Variants in CAMKMT observed in about 807,000 individuals in gnomAD.
CAMKMT encodes calmodulin-lysine N-methyltransferase.
A neutral mutation model predicts 48.0 loss-of-function variants in CAMKMT; 53 were observed. The ratio of observed to expected loss-of-function variants is 1.10; its 90% CI spans 0.89 to 1.39. The LOEUF is 1.39. Ranked by LOEUF, CAMKMT falls within the 40% of genes most tolerant of loss-of-function variation. The pLI, the probability that CAMKMT is intolerant of heterozygous loss-of-function variation, is 0.00. For missense variants in CAMKMT, 428 were observed against 402.7 expected, an observed-to-expected ratio of 1.06 and a Z score of -0.54; for synonymous variants, 165 against 152.3, an observed-to-expected ratio of 1.08 and a Z score of -0.61.
At chr2:44,379,317 GA>G in intron 2 of CAMKMT, among the ~76,000 whole-genome samples, 1 of 152,240 alleles carries the variant, frequency 6.6e-6, no homozygotes, top group Middle Eastern at 3.4e-3. Context: ...ATCAGTTGAT[GA>G]ACATTTGGAT....
At chr2:44,711,092 G>A (rs933370893) in intron 6 of CAMKMT, among the ~76,000 whole-genome samples, 3 of 152,118 alleles carry the variant, frequency 2.0e-5, no homozygotes, top group Admixed American at 2.0e-4. Context: ...GAAGCTTCGT[G>A]TGGGCTGTGC....
chr2:44,604,303 A>G (rs1558738423), intron 3 of CAMKMT, among the ~76,000 whole-genome samples: 2 of 152,194 alleles, frequency 1.3e-5, no homozygotes. Flanking sequence ...ACTATCTGCT[A>G]AATATTTCCC....
At chr2:44,635,440 T>C (rs563238097) in intron 3 of CAMKMT, among the ~76,000 whole-genome samples, 25 of 152,294 alleles carry the variant, frequency 1.6e-4, no homozygotes, top group Admixed American at 1.3e-3. Flanking sequence ...TGTACTGATA[T>C]ATACACTGTA....
At chr2:44,464,360 G>A (rs1572571995) in intron 3 of CAMKMT, among the ~76,000 whole-genome samples, 1 of 152,200 alleles carries the variant, frequency 6.6e-6, no homozygotes, top group Non-Finnish European at 1.5e-5. Flanking sequence ...CCATCTGGCT[G>A]ACCAATATAT....
At chr2:44,373,279 T>C (rs1679359170) in intron 2 of CAMKMT, among the ~76,000 whole-genome samples, 1 of 152,248 alleles carries the variant, frequency 6.6e-6, no homozygotes, top group Non-Finnish European at 1.5e-5. Context: ...TTTGGTATTT[T>C]TTCCATTTAT....
At chr2:44,391,762 G>A (rs1379780631) in intron 3 of CAMKMT, 2 of 152,962 alleles carry the variant, frequency 1.3e-5, no homozygotes, top group Non-Finnish European at 2.9e-5. Context: ...ATGAATGACT[G>A]TCTTAGCCTT....
At chr2:44,472,925 C>T (rs1668498058) in intron 3 of CAMKMT, among the ~76,000 whole-genome samples, 1 of 152,194 alleles carries the variant, frequency 6.6e-6, no homozygotes. Flanking sequence ...TTCCTTCCTA[C>T]TTCTCCTGAG....
intron 3 of CAMKMT, among the ~76,000 whole-genome samples, chr2:44,526,576 T>A (rs139840052): frequency 2.6e-5 from 4 of 152,292 alleles, no homozygotes; most frequent in African/African-American, 9.6e-5. Context: ...GTCCAAGAAC[T>A]GGGAGTCCTG....
rs760848789 is a variant in CAMKMT, at chr2:44,766,524, A to G, written c.857A>G (p.Glu286Gly). The G allele has an allele frequency of 6.2e-7, 1 of 1,614,192 alleles. No homozygotes were observed. The highest frequency in any genetic ancestry group is 1.7e-5 in the Admixed American group (1 of 60,030). ...GCTGGTTTCTGTATCCAAAGACATG[A>G]AAATTATGATGAACACATTTCAAAC... ...EKAGFCIQRHENYDEHISNFH... is the reference protein window; with the variant it reads ...EKAGFCIQRHGNYDEHISNFH... Residue 286 changes from glutamate to glycine, a missense_variant, in exon 10 of 11, where the codon GAA becomes GGA. Transcript: ENST00000378494.
At chr2:44,725,142 A>ATGTGTGTGTGTG (rs1558820037) in intron 7 of CAMKMT, among the ~76,000 whole-genome samples, 3 of 58,924 alleles carry the variant, frequency 5.1e-5, no homozygotes, top group Non-Finnish European at 1.0e-4. Flanking sequence ...TGCTTTCTGG[A>ATGTGTGTGTGTG]CGTGTGTGTG....
intron 10 of CAMKMT, 40 bp downstream of exon 10, chr2:44,766,601 A>G (rs1232806799): frequency 6.2e-7 from 1 of 1,607,172 alleles, no homozygotes; most frequent in South Asian, 1.1e-5. Flanking sequence ...TTTAATCCGC[A>G]TTGCATTTTG....
chr2:44,388,374 C>A (rs149935836), intron 2 of CAMKMT, among the ~76,000 whole-genome samples: 1 of 152,084 alleles, frequency 6.6e-6, no homozygotes, highest in Non-Finnish European at 1.5e-5. Context: ...TTTCTTAATG[C>A]TATCTATTTC....
chr2:44,758,824 TC>T (rs1680490411), intron 9 of CAMKMT, among the ~76,000 whole-genome samples: 1 of 152,228 alleles, frequency 6.6e-6, no homozygotes. Flanking sequence ...AGTTGAACTT[TC>T]GTCCAGAAAT....
At chr2:44,600,391 C>T (rs1024481930) in intron 3 of CAMKMT, among the ~76,000 whole-genome samples, 19 of 151,860 alleles carry the variant, frequency 1.3e-4, no homozygotes, top group African/African-American at 4.4e-4. Context: ...CTCAGCCTTC[C>T]GAGTAGCTGG....
chr2:44,596,385 G>A (rs1348402572), intron 3 of CAMKMT, among the ~76,000 whole-genome samples: 1 of 151,656 alleles, frequency 6.6e-6, no homozygotes, highest in African/African-American at 2.4e-5. Context: ...GGAGGCGGAG[G>A]TTGCAATGAA....
intron 3 of CAMKMT, among the ~76,000 whole-genome samples, chr2:44,499,467 C>T (rs945285545): frequency 6.6e-6 from 1 of 152,194 alleles, no homozygotes; most frequent in African/African-American, 2.4e-5. Flanking sequence ...TAATTGCTCT[C>T]TAGTGTGAAG....
intron 3 of CAMKMT, among the ~76,000 whole-genome samples, chr2:44,494,743 G>A (rs1023330815): frequency 6.6e-6 from 1 of 152,162 alleles, no homozygotes; most frequent in Non-Finnish European, 1.5e-5. Context: ...ACTCCATTAT[G>A]ACAGATAAGG....
At chr2:44,715,416 G>C (rs909921934) in intron 7 of CAMKMT, 63 bp downstream of exon 7, 2 of 1,200,518 alleles carry the variant, frequency 1.7e-6, no homozygotes, top group Non-Finnish European at 2.5e-6. Context: ...ACTATGGATG[G>C]TTATTAAAAA....
intron 3 of CAMKMT, among the ~76,000 whole-genome samples, chr2:44,415,416 A>G (rs946402812): frequency 2.0e-5 from 3 of 152,202 alleles, no homozygotes; most frequent in Non-Finnish European, 2.9e-5. Context: ...TTTTGACAGT[A>G]TGTGGTTACA....
Sources: allele counts gnomAD v4.1 joint callset (sites outside exome capture counted in the v4.1 genomes callset), GRCh38; gene constraint gnomAD v4.1.1; transcripts MANE v1.5; gene names NCBI Gene and HGNC (gene_info 2026-07-23, HGNC 2026-07-21).